LIPA: variants seen among roughly 807,000 people sequenced by gnomAD.
The protein encoded by LIPA is lipase A, lysosomal acid type.
Under a neutral mutation model 40.6 loss-of-function variants are expected in LIPA, and 26 were observed. That is an observed-to-expected ratio of 0.64 (90% confidence interval 0.47 to 0.89). LIPA has a LOEUF of 0.89. LIPA is among the 40% of genes least tolerant of loss of function. The probability of loss-of-function intolerance (pLI) is 0.00; values close to 1 mark genes in which losing one functional copy is unlikely to be tolerated. For synonymous variants in LIPA, 188 were observed against 168.4 expected (o/e 1.12, Z -0.90); for missense variants, 455 against 479.6 (o/e 0.95, Z 0.48).
chr10:89,384,638 T>A, intron 2 of LIPA: 1 of 1,614,236 alleles, frequency 6.2e-7, no homozygotes, highest in Admixed American at 1.7e-5. Context: ...AGTGTCAGCC[T>A]CCTTGGGCTT....
chr10:89,301,939 T>C, intron 1 of LIPA: 1 of 513,594 alleles, frequency 1.9e-6, no homozygotes. Context: ...TCCTGCCAAT[T>C]TCACTTTCTA....
intron 1 of LIPA, chr10:89,339,506 G>A (rs771432027): frequency 6.2e-7 from 1 of 1,614,180 alleles, no homozygotes; most frequent in Non-Finnish European, 8.5e-7. Context: ...ATTGGGTGCT[G>A]CTACAAGGCA....
upstream of LIPA, among the ~76,000 whole-genome samples, chr10:89,344,327 C>T (rs1454229454): frequency 6.6e-6 from 1 of 152,190 alleles, no homozygotes; most frequent in Non-Finnish European, 1.5e-5. Flanking sequence ...TGGTGATCTA[C>T]ATCACTTTCT....
rs187894907 is a variant in LIPA at position 89,215,405 on chromosome 10, C to T, written c.967-344G>A. On this transcript the variant is annotated intron_variant, in intron 9 of 9. Coordinates refer to ENST00000336233, the MANE Select transcript of LIPA (RefSeq NM_000235.4). ...GGAAAGAGTTTGGGGTCATGCCCTC[C>T]TACTTCTTCCCTTTGGGTGTAAGAC... Among the ~76,000 whole-genome samples the T allele has an allele frequency of 5.3e-5, 8 of 152,308 alleles. No individual in the cohort carries two copies. The East Asian group carries it at 1.5e-3, about 29-fold the overall frequency.
rs755694575 is a variant in LIPA, at chr10:89,223,802, G to A, written c.704C>T (p.Pro235Leu). The A allele has an allele frequency of 3.7e-6, 6 of 1,613,956 alleles. No homozygotes were observed. In the South Asian group the frequency reaches 6.6e-5, roughly 18 times the overall value. ...KDLFGDKEFL[P>L]QSAFLKWLGT... ...CAGCCACTTCAAAAACGCACTCTGGGGAAGAAATTCTTTGTCTCCAAATAA... is the reference window on the plus strand; with the variant it reads ...CAGCCACTTCAAAAACGCACTCTGGAGAAGAAATTCTTTGTCTCCAAATAA... Residue 235 changes from proline (P) to leucine (L), a missense_variant, in exon 7 of 10, where the codon CCC (proline) becomes CTC (leucine). By Grantham distance (98) the Pro-to-Leu change is moderately conservative. Coordinates refer to ENST00000336233, the MANE Select transcript of LIPA (RefSeq NM_000235.4).
chr10:89,230,980 A>T (rs1842834622), intron 3 of LIPA, among the ~76,000 whole-genome samples: 1 of 152,252 alleles, frequency 6.6e-6, no homozygotes, highest in Non-Finnish European at 1.5e-5. Context: ...TCTTTATAAC[A>T]GTGAAAAACT....
At position 89,296,504 on chromosome 10, in the gene LIPA, AAAG is replaced by A. The variant is rs1162733197; in HGVS notation, c.-2+46104_-2+46106del. Reference sequence around the variant, plus strand: ...GAGACTGTCTCAAAAAAAAAAAAAAAAAGAAGAAGAAGAAGAACTTGTAAACAG... The same window carrying A: ...GAGACTGTCTCAAAAAAAAAAAAAAAAAGAAGAAGAAGAACTTGTAAACAG... On this transcript the variant is annotated intron_variant, in intron 1 of 5. Coordinates refer to the LIPA transcript ENST00000282673. 4.9e-3 allele frequency among the ~76,000 whole-genome samples: 709 copies of A among 145,972 alleles called. 84 individuals carry two copies. The highest frequency in any genetic ancestry group is 7.4e-3 in the Middle Eastern group (2 of 272).
In LIPA at chr10:89,411,622, T is replaced by G. The variant is rs141194586; in HGVS notation, c.61+1169A>C. The stretch of plus-strand genomic sequence containing the variant: ...GATTTCTCAGACAGTTTGCATGAAA[T>G]AATGAAATCTATCCTTACTCTACAA... On this transcript the variant is annotated intron_variant, in intron 2 of 8. Coordinates refer to the LIPA transcript ENST00000371837. Among the ~76,000 whole-genome samples, 1,072 of 152,338 alleles carry G rather than the reference T, an allele frequency of 7.0e-3. 5 individuals are homozygous for G. Among genetic ancestry groups the G allele is most frequent in the Non-Finnish European group, 0.012 (810 of 68,028 alleles).
chr10:89,215,338 G>A (rs1223286958), intron 9 of LIPA, among the ~76,000 whole-genome samples: 3 of 152,220 alleles, frequency 2.0e-5, no homozygotes, highest in Non-Finnish European at 4.4e-5. Flanking sequence ...GGCAAGGAAG[G>A]TGTTGTACTC....
chr10:89,400,747 T>G (rs534919990), intron 2 of LIPA, among the ~76,000 whole-genome samples: 4 of 152,356 alleles, frequency 2.6e-5, no homozygotes, highest in Admixed American at 2.0e-4. Context: ...CTTGGATGTC[T>G]TGTATTTCTT....
At chr10:89,307,382 G>A (rs1172475052) in intron 1 of LIPA, 1 of 1,583,604 alleles carries the variant, frequency 6.3e-7, no homozygotes, top group Non-Finnish European at 8.6e-7. Flanking sequence ...ATGAAGAATA[G>A]AGATGTGGTG....
chr10:89,325,507 C>T (rs187488579), intron 1 of LIPA, among the ~76,000 whole-genome samples: 9 of 152,226 alleles, frequency 5.9e-5, no homozygotes, highest in African/African-American at 1.7e-4. Flanking sequence ...AAATGTGGTA[C>T]ATATACACCA....
intron 1 of LIPA, among the ~76,000 whole-genome samples, chr10:89,300,048 A>C (rs1260449342): frequency 6.6e-6 from 1 of 152,222 alleles, no homozygotes; most frequent in Non-Finnish European, 1.5e-5. Context: ...TGGATAAAGA[A>C]AATATTGTAT....
At chr10:89,414,678 A>C, upstream of LIPA, 2 of 1,210,770 alleles carry the variant, frequency 1.7e-6, no homozygotes, top group East Asian at 3.0e-5. Flanking sequence ...GGGGCTGCAG[A>C]GGCCTGGCGC....
chr10:89,384,367 G>A lies in LIPA; in HGVS notation c.61+28424C>T. 2.5e-6 allele frequency: 4 copies of A among 1,614,146 alleles called. No individual in the cohort carries two copies. The East Asian group carries it at 6.7e-5, about 27-fold the overall frequency. ...TGTTGACCTGGCTGAAACGTATGCAGAAATAGGCCACCACAGAAAGGCTGA... is the reference window on the plus strand; with the variant it reads ...TGTTGACCTGGCTGAAACGTATGCAAAAATAGGCCACCACAGAAAGGCTGA... On this transcript the variant is annotated intron_variant, in intron 2 of 8. Coordinates refer to the LIPA transcript ENST00000371837.
chr10:89,316,948 G>T (rs976265145), intron 1 of LIPA, among the ~76,000 whole-genome samples: 2 of 152,180 alleles, frequency 1.3e-5, no homozygotes, highest in African/African-American at 4.8e-5. Context: ...AGGCAAACAG[G>T]GTCTGGAGTG....
At chr10:89,397,688 T>TTC (rs1358350276) in intron 2 of LIPA, among the ~76,000 whole-genome samples, 1 of 152,010 alleles carries the variant, frequency 6.6e-6, no homozygotes, top group Admixed American at 6.6e-5. Flanking sequence ...AGCATTTTTT[T>TTC]TCATATTTAT....
At chr10:89,283,035 A>G (rs1389192022) in intron 1 of LIPA, among the ~76,000 whole-genome samples, 1 of 152,226 alleles carries the variant, frequency 6.6e-6, no homozygotes, top group African/African-American at 2.4e-5. Context: ...TTCTCAATCA[A>G]TATTAGTGTT....
At chr10:89,373,829 G>A (rs1844106359) in intron 2 of LIPA, among the ~76,000 whole-genome samples, 1 of 152,100 alleles carries the variant, frequency 6.6e-6, no homozygotes, top group African/African-American at 2.4e-5. Flanking sequence ...TCTGTAGAGG[G>A]GCCTGATATT....
Sources: gnomAD v4.1 joint callset for allele counts (sites outside exome capture counted in the v4.1 genomes callset) on GRCh38, gnomAD v4.1.1 for gene constraint, MANE v1.5 for transcripts, NCBI Gene and HGNC (gene_info 2026-07-23, HGNC 2026-07-21) for gene names.